STK32B: variants seen among roughly 807,000 people sequenced by gnomAD.
The protein encoded by STK32B is serine/threonine kinase 32B, also known as serine/threonine-protein kinase 32B.
A neutral mutation model predicts 52.6 loss-of-function variants in STK32B; 43 were observed. The ratio of observed to expected loss-of-function variants is 0.82; its 90% CI spans 0.64 to 1.05. The LOEUF is 1.05. STK32B is among the 50% of genes least tolerant of loss of function. STK32B has a pLI of 0.00. For synonymous variants in STK32B, 238 were observed against 204.3 expected, an observed-to-expected ratio of 1.17 and a Z score of -1.41; for missense variants, 621 against 534.6, an observed-to-expected ratio of 1.16 and a Z score of -1.59.
chr4:5,294,505 AT>A (rs1403693625), intron 3 of STK32B, among the ~76,000 whole-genome samples: 5 of 151,884 alleles, frequency 3.3e-5, no homozygotes, highest in Non-Finnish European at 7.4e-5. Flanking sequence ...TTTAAGTTGT[AT>A]TCTTAGGTAT....
chr4:5,304,245 T>C (rs1560300142), intron 3 of STK32B, among the ~76,000 whole-genome samples: 2 of 152,078 alleles, frequency 1.3e-5, no homozygotes, highest in African/African-American at 4.8e-5. Context: ...GGGAATTGCA[T>C]TGAATTTGTA....
chr4:5,078,765 C>T (rs938578925), intron 1 of STK32B, among the ~76,000 whole-genome samples: 1 of 152,124 alleles, frequency 6.6e-6, no homozygotes, highest in African/African-American at 2.4e-5. Context: ...TCTCCCCTGC[C>T]CACCTTTCCC....
chr4:5,197,281 T>G (rs1052542540), intron 3 of STK32B, among the ~76,000 whole-genome samples: 5 of 152,196 alleles, frequency 3.3e-5, no homozygotes, highest in African/African-American at 1.2e-4. Context: ...TGTAGATCAC[T>G]CATGTCTGGG....
chr4:5,203,325 CTCAT>C (rs1158630724), intron 3 of STK32B, among the ~76,000 whole-genome samples: 1 of 152,170 alleles, frequency 6.6e-6, no homozygotes, highest in Non-Finnish European at 1.5e-5. Flanking sequence ...CATTCATCTT[CTCAT>C]TCATTCATTT....
intron 6 of STK32B, among the ~76,000 whole-genome samples, chr4:5,431,417 T>A (rs189159005): frequency 1.3e-5 from 2 of 152,336 alleles, no homozygotes; most frequent in East Asian, 1.9e-4. Flanking sequence ...TAGAAGTTCA[T>A]CTCAAGTTTC....
At chr4:5,424,680 C>CT (rs1212150909) in intron 6 of STK32B, among the ~76,000 whole-genome samples, 1 of 152,230 alleles carries the variant, frequency 6.6e-6, no homozygotes, top group Non-Finnish European at 1.5e-5. Context: ...CTTTGCGTTG[C>CT]TTACCCTCCA....
At chr4:5,201,340 C>T (rs1243901333) in intron 3 of STK32B, among the ~76,000 whole-genome samples, 1 of 152,180 alleles carries the variant, frequency 6.6e-6, no homozygotes, top group Non-Finnish European at 1.5e-5. Flanking sequence ...GAGACCTCAG[C>T]CCTGCAGGTT....
At chr4:5,338,820 A>C (rs1446132724) in intron 4 of STK32B, among the ~76,000 whole-genome samples, 1 of 152,216 alleles carries the variant, frequency 6.6e-6, no homozygotes, top group African/African-American at 2.4e-5. Context: ...GGAATGTTTT[A>C]AAGTCTACTA....
the STK32B span, among the ~76,000 whole-genome samples, chr4:5,046,036 A>C: frequency 1.5e-3 from 233 of 152,326 alleles, no homozygotes; most frequent in Non-Finnish European, 2.1e-3. Context: ...ATGACATCAA[A>C]GAAGACCCTG....
At chr4:5,159,726 T>C (rs1343173092) in intron 2 of STK32B, among the ~76,000 whole-genome samples, 1 of 122,524 alleles carries the variant, frequency 8.2e-6, no homozygotes, top group Non-Finnish European at 1.6e-5. Flanking sequence ...TGAATGTATA[T>C]GAATATATAT....
the STK32B span, among the ~76,000 whole-genome samples, chr4:5,021,209 G>C: frequency 1.3e-5 from 2 of 152,246 alleles, no homozygotes; most frequent in Admixed American, 6.5e-5. Flanking sequence ...GCTGGGCGAT[G>C]TCTGAGGTTC....
chr4:5,175,530 C>G (rs1719794199), intron 3 of STK32B, among the ~76,000 whole-genome samples: 4 of 152,202 alleles, frequency 2.6e-5, no homozygotes. Context: ...AGTCAGGACC[C>G]TCAGCTTTAG....
Position 5,139,876 on chromosome 4 carries a change from C to T in STK32B, c.53-29C>T, listed in dbSNP as rs371152554. ...GCAATACCAGGTTTAGCAAATCTGA[C>T]TTGTTTCCTTTTTTGTTTTCTTTTG... On this transcript the variant is annotated intron_variant, in intron 1 of 11. Transcript: ENST00000282908. 69 of 1,613,972 alleles carry T rather than the reference C, an allele frequency of 4.3e-5. No individual in the cohort carries two copies. In the East Asian group the frequency reaches 9.8e-4, roughly 23 times the overall value.
intron 1 of STK32B, among the ~76,000 whole-genome samples, chr4:5,132,269 T>A (rs1361957002): frequency 6.6e-6 from 1 of 152,208 alleles, no homozygotes; most frequent in Non-Finnish European, 1.5e-5. Flanking sequence ...TGATTTATAT[T>A]TCTTTGGGTA....
intron 9 of STK32B, among the ~76,000 whole-genome samples, chr4:5,463,167 A>G (rs995171926): frequency 1.3e-5 from 2 of 152,246 alleles, no homozygotes; most frequent in Non-Finnish European, 1.5e-5. Flanking sequence ...CAGTCCAGAG[A>G]AATATGCCCG....
intron 1 of STK32B, among the ~76,000 whole-genome samples, chr4:5,127,913 G>A (rs1715504359): frequency 6.6e-6 from 1 of 151,458 alleles, no homozygotes; most frequent in African/African-American, 2.4e-5. Flanking sequence ...TTTTATAAAG[G>A]AGAGTTCCCC....
chr4:5,148,505 G>A (rs771617346), intron 2 of STK32B, among the ~76,000 whole-genome samples: 2 of 151,572 alleles, frequency 1.3e-5, no homozygotes, highest in East Asian at 3.8e-4. Flanking sequence ...GAATTATTTA[G>A]TTATGTGTTG....
chr4:5,317,180 A>ATATATAACATATATATAT (rs1731042593), intron 3 of STK32B, among the ~76,000 whole-genome samples: 1 of 49,566 alleles, frequency 2.0e-5, no homozygotes, highest in Non-Finnish European at 2.8e-5. Flanking sequence ...AACATATAAT[A>ATATATAACATATATATAT]TATATATATA....
intron 3 of STK32B, among the ~76,000 whole-genome samples, chr4:5,291,031 T>G (rs1728863771): frequency 6.6e-6 from 1 of 152,222 alleles, no homozygotes; most frequent in Non-Finnish European, 1.5e-5. Flanking sequence ...GACTCAATTT[T>G]GTTCTACTGA....
Sources: allele counts gnomAD v4.1 joint callset (sites outside exome capture counted in the v4.1 genomes callset), GRCh38; gene constraint gnomAD v4.1.1; transcripts MANE v1.5; gene names NCBI Gene and HGNC (gene_info 2026-07-23, HGNC 2026-07-21).